PDE11A: variants seen among roughly 807,000 people sequenced by gnomAD.
PDE11A encodes the protein phosphodiesterase 11A.
PDE11A carries 100 observed loss-of-function variants against 100.5 expected under a neutral mutation model. That is an observed-to-expected ratio of 1.00 (90% CI 0.85 to 1.18). The LOEUF (loss-of-function observed/expected upper bound fraction) is 1.18. PDE11A is among the 50% of genes most tolerant of loss of function. The probability of loss-of-function intolerance (pLI) is 0.00; values close to 1 mark genes in which losing one functional copy is unlikely to be tolerated. For synonymous variants in PDE11A, 381 were observed against 420.8 expected (o/e 0.91, Z 1.16); for missense variants, 1,141 against 1,152.6 (o/e 0.99, Z 0.15).
At chr2:177,766,123 A>G (rs2082235455) in intron 10 of PDE11A, among the ~76,000 whole-genome samples, 1 of 152,166 alleles carries the variant, frequency 6.6e-6, no homozygotes. Context: ...AGTTTCATGG[A>G]AGACAATTTT....
chr2:178,104,464 C>T lies in PDE11A; in HGVS notation c.-1G>A, dbSNP rs900994864. The T allele has an allele frequency of 5.0e-6, 8 of 1,613,778 alleles. No individual in the cohort carries two copies. The Middle Eastern group carries it at 8.3e-4, about 166-fold the overall frequency. ...AAGGTCTTCTTGCCTGCTTCAGCAT[C>T]TCCCATGTTGCTCTGCAATGGAACA... On this transcript the variant is annotated 5_prime_UTR_variant, in exon 2 of 21. Transcript: ENST00000358450.
chr2:177,903,614 G>A (rs981642594), intron 3 of PDE11A, among the ~76,000 whole-genome samples: 7 of 152,054 alleles, frequency 4.6e-5, no homozygotes, highest in African/African-American at 1.2e-4. Context: ...TTGGAGAGGC[G>A]GGCCCTCCTC....
At chr2:177,845,618 C>A (rs552354249) in intron 5 of PDE11A, among the ~76,000 whole-genome samples, 1 of 152,298 alleles carries the variant, frequency 6.6e-6, no homozygotes, top group East Asian at 1.9e-4. Flanking sequence ...TCCTCACTTC[C>A]CAGACGGGGT....
intron 1 of PDE11A, among the ~76,000 whole-genome samples, chr2:178,020,924 GGTGTGTGTGTGTGTGTGTGTGTGT>G (rs532087273): frequency 1.6e-5 from 2 of 125,790 alleles, no homozygotes; most frequent in East Asian, 2.4e-4. Context: ...TTTTTGTCTT[GGTGTGTGTGTGTGTGTGTGTGTGT>G]GTGTGTGTGT....
chr2:177,864,772 G>A (rs2084000281), intron 5 of PDE11A, among the ~76,000 whole-genome samples: 1 of 152,114 alleles, frequency 6.6e-6, no homozygotes, highest in Non-Finnish European at 1.5e-5. Flanking sequence ...GGTGACTAAT[G>A]GATGGGATAA....
chr2:177,855,799 A>G (rs754812920), intron 5 of PDE11A, among the ~76,000 whole-genome samples: 16 of 152,034 alleles, frequency 1.1e-4, no homozygotes, highest in Non-Finnish European at 2.2e-4. Context: ...CTTGCAGCTA[A>G]CAAGAAGCTG....
At chr2:177,949,365 A>T (rs1286593085) in intron 2 of PDE11A, among the ~76,000 whole-genome samples, 6 of 152,232 alleles carry the variant, frequency 3.9e-5, no homozygotes, top group Admixed American at 2.0e-4. Flanking sequence ...AGTTAAAGTC[A>T]CCCACACTTA....
chr2:177,799,819 G>T (rs2082760506), intron 9 of PDE11A, among the ~76,000 whole-genome samples: 1 of 152,084 alleles, frequency 6.6e-6, no homozygotes. Flanking sequence ...AAATTAACCA[G>T]TTCACCTTCT....
chr2:177,849,507 T>C (rs988923528), intron 5 of PDE11A, among the ~76,000 whole-genome samples: 1 of 152,136 alleles, frequency 6.6e-6, no homozygotes, highest in Non-Finnish European at 1.5e-5. Flanking sequence ...ACAAAATCAA[T>C]GTGCAAAAAT....
chr2:178,055,163 A>G (rs2086882521), intron 1 of PDE11A, among the ~76,000 whole-genome samples: 1 of 152,208 alleles, frequency 6.6e-6, no homozygotes, highest in Admixed American at 6.5e-5. Context: ...AATACTATGC[A>G]GCCATAAAAA....
intron 6 of PDE11A, among the ~76,000 whole-genome samples, chr2:177,824,288 G>C (rs1210705710): frequency 1.3e-5 from 2 of 152,216 alleles, no homozygotes; most frequent in Non-Finnish European, 1.5e-5. Flanking sequence ...ACCAATCTTG[G>C]AGTCACCAGT....
intron 2 of PDE11A, among the ~76,000 whole-genome samples, chr2:177,979,365 A>G (rs1384173818): frequency 1.3e-5 from 2 of 150,682 alleles, no homozygotes; most frequent in Non-Finnish European, 3.0e-5. Context: ...TATGGCTTAC[A>G]TGGTTGGTAA....
At chr2:178,089,984 C>T (rs2087401780) in intron 2 of PDE11A, among the ~76,000 whole-genome samples, 1 of 152,166 alleles carries the variant, frequency 6.6e-6, no homozygotes, top group Non-Finnish European at 1.5e-5. Flanking sequence ...GTTGTCCCAC[C>T]ACACAAAGGT....
intron 1 of PDE11A, among the ~76,000 whole-genome samples, chr2:178,032,749 A>G (rs974218813): frequency 1.4e-4 from 22 of 152,214 alleles, no homozygotes; most frequent in Non-Finnish European, 1.5e-5. Flanking sequence ...GATGATACCC[A>G]GGCGAACAGG....
intron 10 of PDE11A, among the ~76,000 whole-genome samples, chr2:177,735,885 T>C (rs984897461): frequency 6.6e-6 from 1 of 152,212 alleles, no homozygotes; most frequent in Admixed American, 6.5e-5. Context: ...CCATTCTCTA[T>C]GGCCAAACCT....
chr2:178,031,313 T>C (rs1249445496), intron 1 of PDE11A, among the ~76,000 whole-genome samples: 8 of 152,116 alleles, frequency 5.3e-5, no homozygotes, highest in Non-Finnish European at 1.0e-4. Flanking sequence ...TTGTTCTACA[T>C]GATACTGGAG....
At chr2:177,965,333 G>A (rs1293863992) in intron 2 of PDE11A, among the ~76,000 whole-genome samples, 1 of 152,100 alleles carries the variant, frequency 6.6e-6, no homozygotes, top group African/African-American at 2.4e-5. Flanking sequence ...TGTTTACTCT[G>A]TTGATAGTTT....
chr2:177,868,014 T>C (rs2084059557), intron 5 of PDE11A, among the ~76,000 whole-genome samples: 1 of 152,166 alleles, frequency 6.6e-6, no homozygotes, highest in African/African-American at 2.4e-5. Context: ...ATGATAGGAT[T>C]TGGGCCATGG....
upstream of PDE11A, chr2:178,072,800 G>A (rs1282603364): frequency 2.5e-6 from 3 of 1,223,202 alleles, no homozygotes; most frequent in Admixed American, 7.1e-5. Context: ...CGCTGTGACA[G>A]GGAGGTAGGG....
Sources: allele counts gnomAD v4.1 joint callset (sites outside exome capture counted in the v4.1 genomes callset), GRCh38; gene constraint gnomAD v4.1.1; transcripts MANE v1.5; gene names NCBI Gene and HGNC (gene_info 2026-07-23, HGNC 2026-07-21).